Variants in CTNNA2 observed in about 807,000 individuals in gnomAD.
CTNNA2 encodes catenin alpha-2.
CTNNA2 carries 42 observed loss-of-function variants against 101.0 expected under a neutral mutation model. That is an observed-to-expected ratio of 0.42 (90% confidence interval 0.32 to 0.54). The LOEUF (loss-of-function observed/expected upper bound fraction) is 0.54, where lower values mean the gene tolerates loss of function less well. Among genes scored for constraint, CTNNA2 ranks in the 20% least tolerant of loss-of-function variants. CTNNA2 has a pLI of 0.14. For missense variants in CTNNA2, 871 were observed against 1,223.1 expected, an observed-to-expected ratio of 0.71 and a Z score of 4.29; for synonymous variants, 450 against 456.4, an observed-to-expected ratio of 0.99 and a Z score of 0.18.
At chr2:79,958,874 G>T (rs1429551075) in intron 7 of CTNNA2, among the ~76,000 whole-genome samples, 1 of 151,918 alleles carries the variant, frequency 6.6e-6, no homozygotes, top group Non-Finnish European at 1.5e-5. Context: ...GTCTGTTGAG[G>T]ATTCATTCAT....
intron 1 of CTNNA2, among the ~76,000 whole-genome samples, chr2:79,603,135 C>T (rs1172746845): frequency 1.3e-5 from 2 of 151,914 alleles, no homozygotes; most frequent in East Asian, 3.9e-4. Context: ...ATGAGTGCAT[C>T]ACATGCATGG....
intron 1 of CTNNA2, among the ~76,000 whole-genome samples, chr2:79,186,995 A>C (rs1489107911): frequency 6.6e-6 from 1 of 152,154 alleles, no homozygotes; most frequent in Non-Finnish European, 1.5e-5. Context: ...TATTTTTTGA[A>C]ACCTGAAAGA....
intron 7 of CTNNA2, among the ~76,000 whole-genome samples, chr2:80,100,892 A>C (rs960219657): frequency 6.6e-6 from 1 of 152,174 alleles, no homozygotes; most frequent in Non-Finnish European, 1.5e-5. Flanking sequence ...AGCAAAGATC[A>C]TTTTTCCCTC....
At chr2:80,510,214 A>G (rs538160784) in intron 9 of CTNNA2, among the ~76,000 whole-genome samples, 5 of 152,290 alleles carry the variant, frequency 3.3e-5, no homozygotes, top group East Asian at 1.9e-4. Context: ...ATTGATTTTT[A>G]TCACCAAACC....
At chr2:79,952,326 A>C (rs73938428) in intron 7 of CTNNA2, among the ~76,000 whole-genome samples, 367 of 152,302 alleles carry the variant, frequency 2.4e-3, no homozygotes, top group African/African-American at 8.7e-3. Context: ...CAGGCAAAGC[A>C]AAGCAACAAC....
In CTNNA2 at chr2:80,506,972, G is replaced by A. The variant is rs1005805648; in HGVS notation, c.1291-38010G>A. On this transcript the variant is annotated intron_variant, in intron 9 of 18. Coordinates refer to ENST00000402739, the MANE Select transcript of CTNNA2 (RefSeq NM_001282597.3). ...GCAAAGATCACACCTATTAATACAC[G>A]GAAAAGCACTAAAGAGTATTTGGCA... 2.1e-4 allele frequency among the ~76,000 whole-genome samples: 32 copies of A among 152,180 alleles called. 1 individual carries two copies. Among genetic ancestry groups the A allele is most frequent in the Middle Eastern group, 3.4e-3 (1 of 294 alleles).
At chr2:80,427,347 A>G (rs758467237) in intron 9 of CTNNA2, among the ~76,000 whole-genome samples, 1 of 152,254 alleles carries the variant, frequency 6.6e-6, no homozygotes, top group African/African-American at 2.4e-5. Flanking sequence ...TGTACCAAGT[A>G]GAAAACACCT....
At chr2:79,886,405 G>T (rs566745822) in intron 6 of CTNNA2, among the ~76,000 whole-genome samples, 1 of 152,158 alleles carries the variant, frequency 6.6e-6, no homozygotes, top group African/African-American at 2.4e-5. Context: ...ATTCAGCCTT[G>T]CAAGTGGCTG....
At chr2:80,173,772 C>A (rs1705219081) in intron 7 of CTNNA2, among the ~76,000 whole-genome samples, 1 of 152,096 alleles carries the variant, frequency 6.6e-6, no homozygotes, top group Non-Finnish European at 1.5e-5. Context: ...AGGAGGTCTG[C>A]AGTTACATGG....
intron 18 of CTNNA2, among the ~76,000 whole-genome samples, chr2:80,638,158 C>A (rs990310980): frequency 2.0e-5 from 3 of 152,056 alleles, no homozygotes; most frequent in African/African-American, 4.8e-5. Flanking sequence ...GCTCTCCTAT[C>A]GGTAAGGCAA....
chr2:79,690,449 C>A lies in CTNNA2; in HGVS notation c.102+38791C>A, dbSNP rs1573690261. Among the ~76,000 whole-genome samples, 3 of 152,134 alleles carry A rather than the reference C, an allele frequency of 2.0e-5. No homozygotes were observed. The East Asian group carries it at 5.8e-4, about 29-fold the overall frequency. ...GAAATACTTCCAGCTTCATCCATGT[C>A]CCTGCAAAGGACATGAACTCATTCT... On this transcript the variant is annotated intron_variant, in intron 2 of 18. Coordinates refer to ENST00000402739, the MANE Select transcript of CTNNA2 (RefSeq NM_001282597.3).
intron 8 of CTNNA2, among the ~76,000 whole-genome samples, chr2:80,400,241 C>A (rs1229119612): frequency 6.6e-6 from 1 of 152,194 alleles, no homozygotes; most frequent in African/African-American, 2.4e-5. Context: ...CTGGCATCAT[C>A]TTTCCCAGGG....
At chr2:80,525,162 G>A (rs1457525909) in intron 9 of CTNNA2, among the ~76,000 whole-genome samples, 6 of 151,508 alleles carry the variant, frequency 4.0e-5, no homozygotes, top group Non-Finnish European at 7.4e-5. Context: ...TCCTCTGGTA[G>A]TTCCTGTTTG....
intron 9 of CTNNA2, among the ~76,000 whole-genome samples, chr2:80,429,471 C>T (rs1237602929): frequency 6.6e-6 from 1 of 152,138 alleles, no homozygotes; most frequent in Non-Finnish European, 1.5e-5. Context: ...GCCACACTGC[C>T]CCCAGGCTCT....
chr2:79,660,602 T>A lies in CTNNA2; in HGVS notation c.102+8944T>A, dbSNP rs146802711. Among the ~76,000 whole-genome samples, 1,099 of 152,290 alleles carry A rather than the reference T, an allele frequency of 7.2e-3. 27 individuals carry two copies. The South Asian group carries it at 0.08, about 11-fold the overall frequency. On this transcript the variant is annotated intron_variant, in intron 2 of 18. Coordinates refer to ENST00000402739, the MANE Select transcript of CTNNA2 (RefSeq NM_001282597.3). The stretch of plus-strand genomic sequence containing the variant: ...TAGTTAATATATTGGAAACACTTCT[T>A]TGAATTGAGGTCCTCTGGTAGTTTG...
At chr2:79,809,798 G>A (rs71424891) in intron 3 of CTNNA2, among the ~76,000 whole-genome samples, 74 of 152,060 alleles carry the variant, frequency 4.9e-4, no homozygotes, top group Admixed American at 2.0e-3. Context: ...ATTAGATCCC[G>A]TTTGTCAATT....
chr2:80,455,257 A>G (rs978837688), intron 9 of CTNNA2, among the ~76,000 whole-genome samples: 1 of 152,220 alleles, frequency 6.6e-6, no homozygotes, highest in African/African-American at 2.4e-5. Flanking sequence ...AGCTTGTCAC[A>G]TAAGTCTGGC....
chr2:80,157,866 C>T (rs573972735), intron 7 of CTNNA2, among the ~76,000 whole-genome samples: 55 of 152,212 alleles, frequency 3.6e-4, no homozygotes, highest in African/African-American at 1.3e-3. Context: ...TTGTGCTTGC[C>T]TCAGCTGGGG....
intron 3 of CTNNA2, among the ~76,000 whole-genome samples, chr2:79,355,201 G>A (rs1203636875): frequency 5.3e-5 from 8 of 152,006 alleles, no homozygotes; most frequent in Non-Finnish European, 1.2e-4. Flanking sequence ...AGGTTGGTTT[G>A]GCTATTTGGG....
Sources: allele counts gnomAD v4.1 joint callset (sites outside exome capture counted in the v4.1 genomes callset), GRCh38; gene constraint gnomAD v4.1.1; transcripts MANE v1.5; gene names NCBI Gene and HGNC (gene_info 2026-07-23, HGNC 2026-07-21).